Variants in NBEA observed in about 807,000 individuals in gnomAD.
The protein encoded by NBEA is neurobeachin.
A neutral mutation model predicts 343.4 loss-of-function variants in NBEA; 44 were observed. The observed-to-expected ratio is 0.13, with a 90% CI of 0.10 to 0.16. NBEA has a LOEUF of 0.16. Among genes scored for constraint, NBEA ranks in the 10% least tolerant of loss-of-function variants. The pLI, the probability that NBEA is intolerant of heterozygous loss-of-function variation, is 1.00. For missense variants in NBEA, 2,555 were observed against 3,631.3 expected, an observed-to-expected ratio of 0.70 and a Z score of 7.62; for synonymous variants, 1,175 against 1,238.7, an observed-to-expected ratio of 0.95 and a Z score of 1.08.
At chr13:35,197,627 C>G (rs1257442228) in intron 31 of NBEA, among the ~76,000 whole-genome samples, 2 of 151,966 alleles carry the variant, frequency 1.3e-5, no homozygotes, top group South Asian at 2.1e-4. Context: ...AAGCAATTCT[C>G]TCCTCAGCCT....
chr13:35,267,410 C>T (rs1017395781), intron 34 of NBEA, among the ~76,000 whole-genome samples: 3 of 151,886 alleles, frequency 2.0e-5, no homozygotes, highest in African/African-American at 7.2e-5. Flanking sequence ...AACAAAAATA[C>T]TCCAAGGAGA....
intron 44 of NBEA, among the ~76,000 whole-genome samples, chr13:35,556,270 G>A (rs2079567349): frequency 6.6e-6 from 1 of 151,906 alleles, no homozygotes; most frequent in Non-Finnish European, 1.5e-5. Flanking sequence ...GAAATGTAAA[G>A]AACTTAATTT....
chr13:35,436,503 G>A (rs921284606), intron 39 of NBEA, among the ~76,000 whole-genome samples: 3 of 152,112 alleles, frequency 2.0e-5, no homozygotes, highest in African/African-American at 7.2e-5. Flanking sequence ...GAGGTCAGGA[G>A]ATCAAGACCA....
chr13:35,356,357 T>C (rs566082023), intron 38 of NBEA, among the ~76,000 whole-genome samples: 1 of 152,274 alleles, frequency 6.6e-6, no homozygotes, highest in Admixed American at 6.5e-5. Context: ...CAGGAAAATA[T>C]TTCAACAGCA....
chr13:35,175,778 C>T (rs955899130), intron 27 of NBEA, among the ~76,000 whole-genome samples: 67 of 151,798 alleles, frequency 4.4e-4, no homozygotes, highest in African/African-American at 1.3e-3. Flanking sequence ...GGAAGTAAAT[C>T]GAGTAATTTT....
chr13:35,052,919 C>T (rs930389871), intron 6 of NBEA, among the ~76,000 whole-genome samples: 7 of 151,962 alleles, frequency 4.6e-5, no homozygotes, highest in South Asian at 4.2e-4. Flanking sequence ...TAATGGTACC[C>T]TTACCCATCT....
At chr13:35,146,118 C>A (rs2068405662) in intron 18 of NBEA, among the ~76,000 whole-genome samples, 1 of 152,078 alleles carries the variant, frequency 6.6e-6, no homozygotes, top group Non-Finnish European at 1.5e-5. Context: ...TTCTGTTTGT[C>A]TGATACTGGT....
Position 35,420,844 on chromosome 13 carries a change from CCT to C in NBEA, c.6180-11424_6180-11423del, listed in dbSNP as rs565782507. Among the ~76,000 whole-genome samples, 105 of 151,996 alleles carry C rather than the reference CCT, an allele frequency of 6.9e-4. 1 individual carries two copies. The highest frequency in any genetic ancestry group is 2.3e-3 in the African/African-American group (96 of 41,506). On this transcript the variant is annotated intron_variant, in intron 38 of 58. Coordinates refer to ENST00000379939, the MANE Select transcript of NBEA (RefSeq NM_001385012.1). ...GTCTTCAGAGTCACTAGTGATATCC[CCT>C]TTTTCATTCCTGATATTGGTAATTT...
intron 35 of NBEA, among the ~76,000 whole-genome samples, chr13:35,308,546 A>ATATG (rs2037118845): frequency 8.5e-6 from 1 of 117,068 alleles, no homozygotes; most frequent in Non-Finnish European, 1.7e-5. Flanking sequence ...ATATGTATAT[A>ATATG]TATGTATATA....
intron 1 of NBEA, among the ~76,000 whole-genome samples, chr13:35,033,848 G>T (rs922237011): frequency 1.3e-5 from 2 of 151,570 alleles, no homozygotes; most frequent in African/African-American, 2.4e-5. Context: ...TTTGTATGTT[G>T]ATTTTGTATC....
intron 36 of NBEA, among the ~76,000 whole-genome samples, chr13:35,327,836 A>G (rs1416521122): frequency 6.6e-6 from 1 of 152,030 alleles, no homozygotes; most frequent in African/African-American, 2.4e-5. Flanking sequence ...ACAGACTGCA[A>G]AAGAGAAAAA....
intron 48 of NBEA, among the ~76,000 whole-genome samples, chr13:35,623,519 T>C (rs1483514000): frequency 6.6e-6 from 1 of 152,158 alleles, no homozygotes; most frequent in Non-Finnish European, 1.5e-5. Flanking sequence ...CATTGTTCCT[T>C]TGCCATTTAA....
chr13:35,396,788 G>A (rs59571270), intron 38 of NBEA, among the ~76,000 whole-genome samples: 4,526 of 152,156 alleles, frequency 0.03, 189 homozygotes, highest in African/African-American at 0.087. Context: ...TTTATGAGGC[G>A]TTTACTCCTC....
chr13:35,573,461 A>T (rs769373446), intron 45 of NBEA, among the ~76,000 whole-genome samples: 15 of 152,208 alleles, frequency 9.9e-5, no homozygotes, highest in Non-Finnish European at 1.9e-4. Flanking sequence ...GACACTGGTA[A>T]CCAGAAACAG....
At chr13:35,286,001 T>G (rs1258806509) in intron 34 of NBEA, among the ~76,000 whole-genome samples, 4 of 152,154 alleles carry the variant, frequency 2.6e-5, no homozygotes, top group Non-Finnish European at 5.9e-5. Flanking sequence ...TTCTTTCTAC[T>G]TTTTGCTTAG....
chr13:34,942,471 CG>C lies in NBEA; in HGVS notation c.-344del. On this transcript the variant is annotated 5_prime_UTR_variant, in exon 1 of 59. Transcript: ENST00000379939. The stretch of plus-strand genomic sequence containing the variant: ...TCTCGGAGCGGCTGCAGCATCTCCG[CG>C]GGGGGCGGGCCGGGCCGGACAGACC... 2.4e-5 allele frequency: 4 copies of C among 168,522 alleles called. No homozygotes were observed. Among genetic ancestry groups the C allele is most frequent in the South Asian group, 1.6e-4 (1 of 6,146 alleles). 10.4% of individuals were successfully genotyped at this position (168,522 alleles called of 1,614,324 possible). A position where few individuals can be genotyped will look rare whatever the true frequency, so the allele number is the denominator to read the frequency against.
At chr13:35,144,168 C>T (rs1222312132) in intron 18 of NBEA, among the ~76,000 whole-genome samples, 1 of 152,156 alleles carries the variant, frequency 6.6e-6, no homozygotes, top group East Asian at 1.9e-4. Flanking sequence ...GAAAAGTACA[C>T]ACTCAGGAAA....
At chr13:35,435,711 A>T (rs182209617) in intron 39 of NBEA, among the ~76,000 whole-genome samples, 14 of 152,336 alleles carry the variant, frequency 9.2e-5, no homozygotes, top group South Asian at 2.1e-4. Flanking sequence ...AAAGCAATTT[A>T]AAAAAGTATA....
intron 10 of NBEA, among the ~76,000 whole-genome samples, chr13:35,083,146 GT>G (rs1402094710): frequency 1.3e-5 from 2 of 152,172 alleles, no homozygotes; most frequent in African/African-American, 4.8e-5. Flanking sequence ...TGGCTAGCCA[GT>G]TTTCCCAGCA....
Sources: allele counts gnomAD v4.1 joint callset (sites outside exome capture counted in the v4.1 genomes callset), GRCh38; gene constraint gnomAD v4.1.1; transcripts MANE v1.5; gene names NCBI Gene and HGNC (gene_info 2026-07-23, HGNC 2026-07-21).